FSTL5: variants seen among roughly 807,000 people sequenced by gnomAD.
FSTL5 encodes the protein follistatin like 5.
A neutral mutation model predicts 89.1 loss-of-function variants in FSTL5; 62 were observed. The ratio of observed to expected loss-of-function variants is 0.70; its 90% CI spans 0.57 to 0.86. FSTL5 has a LOEUF of 0.86. Among genes scored for constraint, FSTL5 ranks in the 40% least tolerant of loss-of-function variants. The pLI, the probability that FSTL5 is intolerant of heterozygous loss-of-function variation, is 0.00. For missense variants in FSTL5, 1,057 were observed against 1,001.6 expected (o/e 1.06, Z -0.75); for synonymous variants, 383 against 346.2 (o/e 1.11, Z -1.18).
intron 4 of FSTL5, among the ~76,000 whole-genome samples, chr4:161,805,624 T>C (rs957623357): frequency 6.6e-6 from 1 of 152,020 alleles, no homozygotes; most frequent in East Asian, 1.9e-4. Flanking sequence ...AAGCTTGGCT[T>C]TGTTGTGTTT....
chr4:162,119,756 C>T (rs930779949), intron 1 of FSTL5, among the ~76,000 whole-genome samples: 2 of 152,122 alleles, frequency 1.3e-5, no homozygotes, highest in African/African-American at 2.4e-5. Flanking sequence ...CTATAGTACA[C>T]TAGAACCTAT....
intron 8 of FSTL5, among the ~76,000 whole-genome samples, chr4:161,569,003 T>C (rs1732912936): frequency 6.6e-6 from 1 of 152,204 alleles, no homozygotes; most frequent in Non-Finnish European, 1.5e-5. Context: ...GTTATTTATG[T>C]ATTTTCTTAT....
chr4:161,404,973 G>A (rs181611920), intron 15 of FSTL5, among the ~76,000 whole-genome samples: 54 of 152,280 alleles, frequency 3.5e-4, no homozygotes, highest in Admixed American at 1.0e-3. Flanking sequence ...GCTCATGCCT[G>A]TAATCCCAGA....
intron 11 of FSTL5, among the ~76,000 whole-genome samples, chr4:161,503,741 T>G (rs570090895): frequency 1.3e-5 from 2 of 152,064 alleles, no homozygotes; most frequent in East Asian, 3.9e-4. Context: ...TGGTACTCAC[T>G]TCCTGGAATA....
At chr4:161,664,727 G>T (rs10005877) in intron 6 of FSTL5, 2,539 of 153,620 alleles carry the variant, frequency 0.017, 73 homozygotes, top group African/African-American at 0.057. Context: ...CCATTCTACT[G>T]GTACCAATTT....
At chr4:162,104,563 A>G (rs1731136570) in intron 2 of FSTL5, among the ~76,000 whole-genome samples, 1 of 152,220 alleles carries the variant, frequency 6.6e-6, no homozygotes, top group Non-Finnish European at 1.5e-5. Context: ...TTCAACTCAC[A>G]GGTCTTCTCG....
intron 2 of FSTL5, among the ~76,000 whole-genome samples, chr4:162,100,477 T>C (rs1261403876): frequency 1.3e-5 from 2 of 152,132 alleles, no homozygotes; most frequent in African/African-American, 4.8e-5. Context: ...CTCAGAAGGG[T>C]ATATACTGTA....
chr4:161,444,736 T>C (rs13101412), intron 15 of FSTL5, among the ~76,000 whole-genome samples: 20,057 of 151,734 alleles, frequency 0.13, 1,573 homozygotes, highest in Non-Finnish European at 0.19. Flanking sequence ...AAGGGAGTGT[T>C]GCAAAGGTTG....
chr4:161,926,739 A>T (rs939170610), intron 3 of FSTL5, among the ~76,000 whole-genome samples: 1 of 151,724 alleles, frequency 6.6e-6, no homozygotes, highest in Non-Finnish European at 1.5e-5. Context: ...CTAATTATTA[A>T]TTTTTCCTTT....
At chr4:162,103,031 C>G (rs1378142959) in intron 2 of FSTL5, among the ~76,000 whole-genome samples, 1 of 151,964 alleles carries the variant, frequency 6.6e-6, no homozygotes, top group African/African-American at 2.4e-5. Context: ...AAAAGAGCAA[C>G]TGTTTTTGCA....
At chr4:161,683,154 G>A (rs567730474) in intron 6 of FSTL5, among the ~76,000 whole-genome samples, 56 of 152,256 alleles carry the variant, frequency 3.7e-4, no homozygotes, top group African/African-American at 1.3e-3. Context: ...GTTATGTACT[G>A]TACATAATTG....
intron 1 of FSTL5, among the ~76,000 whole-genome samples, chr4:162,156,062 C>G (rs558611428): frequency 6.6e-6 from 1 of 152,080 alleles, no homozygotes; most frequent in African/African-American, 2.4e-5. Flanking sequence ...TGACTTCAGA[C>G]AAAACTTGGT....
intron 6 of FSTL5, among the ~76,000 whole-genome samples, chr4:161,737,882 G>A (rs1739873536): frequency 6.6e-6 from 1 of 151,786 alleles, no homozygotes; most frequent in Non-Finnish European, 1.5e-5. Flanking sequence ...TTTTTTAAAT[G>A]GTCAAATATG....
chr4:161,422,434 C>T (rs567729061), intron 15 of FSTL5, among the ~76,000 whole-genome samples: 1 of 152,224 alleles, frequency 6.6e-6, no homozygotes, highest in Admixed American at 6.5e-5. Context: ...TTCTCCTGAG[C>T]TAGTGAGAAT....
chr4:161,451,927 A>T (rs1240109501), intron 15 of FSTL5, among the ~76,000 whole-genome samples: 1 of 152,208 alleles, frequency 6.6e-6, no homozygotes, highest in East Asian at 1.9e-4. Flanking sequence ...ACGTGTCAAG[A>T]AGCTTTTCAG....
chr4:161,625,259 A>C (rs768771532), intron 7 of FSTL5, among the ~76,000 whole-genome samples: 4 of 152,108 alleles, frequency 2.6e-5, no homozygotes, highest in Non-Finnish European at 4.4e-5. Flanking sequence ...TTTACAAACG[A>C]AAAGGTTCTG....
intron 10 of FSTL5, among the ~76,000 whole-genome samples, chr4:161,534,880 G>C (rs1731540699): frequency 6.6e-6 from 1 of 152,066 alleles, no homozygotes; most frequent in African/African-American, 2.4e-5. Context: ...CAGACACATA[G>C]AGCAATGGAA....
chr4:161,429,473 G>A (rs1327492846), intron 15 of FSTL5, among the ~76,000 whole-genome samples: 2 of 152,280 alleles, frequency 1.3e-5, no homozygotes, highest in Non-Finnish European at 2.9e-5. Context: ...GGCCACTGGG[G>A]TGTTTGTATC....
chr4:161,879,974 G>C (rs1053923552), intron 4 of FSTL5, among the ~76,000 whole-genome samples: 1 of 152,046 alleles, frequency 6.6e-6, no homozygotes, highest in East Asian at 1.9e-4. Flanking sequence ...ATGTTAATTT[G>C]AATTACTACT....
Sources: allele counts gnomAD v4.1 joint callset (sites outside exome capture counted in the v4.1 genomes callset), GRCh38; gene constraint gnomAD v4.1.1; transcripts MANE v1.5; gene names NCBI Gene and HGNC (gene_info 2026-07-23, HGNC 2026-07-21).